COL21A1: variants seen among roughly 807,000 people sequenced by gnomAD.
COL21A1 encodes collagen alpha-1(XXI) chain.
Under a neutral mutation model 137.9 loss-of-function variants are expected in COL21A1, and 149 were observed. The observed-to-expected ratio is 1.08, with a 90% CI of 0.95 to 1.24. COL21A1 has a LOEUF of 1.24. COL21A1 is among the 50% of genes most tolerant of loss of function. The pLI is 0.00. For missense variants in COL21A1, 1,167 were observed against 1,158.4 expected (o/e 1.01, Z -0.11); for synonymous variants, 456 against 391.5 (o/e 1.16, Z -1.95).
chr6:56,130,349 A>C (rs1203282609), intron 12 of COL21A1, among the ~76,000 whole-genome samples: 1 of 151,452 alleles, frequency 6.6e-6, no homozygotes, highest in Non-Finnish European at 1.5e-5. Context: ...AGAGGACTGG[A>C]GTTAAGAAAA....
intron 1 of COL21A1, among the ~76,000 whole-genome samples, chr6:56,257,693 G>A (rs1030005708): frequency 1.4e-4 from 21 of 151,864 alleles, no homozygotes; most frequent in African/African-American, 4.3e-4. Context: ...GTAAATAAGT[G>A]GATATCACCA....
At chr6:56,279,489 T>A (rs1028540720) in intron 1 of COL21A1, among the ~76,000 whole-genome samples, 28 of 152,272 alleles carry the variant, frequency 1.8e-4, no homozygotes, top group Admixed American at 9.2e-4. Flanking sequence ...GGCCAGAATG[T>A]CTTTCTCTTG....
intron 1 of COL21A1, among the ~76,000 whole-genome samples, chr6:56,233,941 A>G (rs1781743399): frequency 6.6e-6 from 1 of 151,824 alleles, no homozygotes; most frequent in Non-Finnish European, 1.5e-5. Context: ...TAATAGGAAA[A>G]TATGTTTTAG....
At chr6:56,193,401 TA>T (rs1328466823) in intron 1 of COL21A1, among the ~76,000 whole-genome samples, 3 of 152,180 alleles carry the variant, frequency 2.0e-5, no homozygotes, top group Non-Finnish European at 2.9e-5. Context: ...TGAATAAATT[TA>T]AAACACATTG....
At chr6:56,214,487 A>G (rs1212924134) in intron 1 of COL21A1, among the ~76,000 whole-genome samples, 2 of 152,112 alleles carry the variant, frequency 1.3e-5, no homozygotes, top group Admixed American at 6.6e-5. Flanking sequence ...AATAAATAGA[A>G]TCTAGAGTAT....
intron 7 of COL21A1, among the ~76,000 whole-genome samples, chr6:56,166,334 T>G (rs1176366621): frequency 4.6e-5 from 7 of 152,136 alleles, no homozygotes; most frequent in African/African-American, 1.7e-4. Context: ...AGCACTGGAA[T>G]AGTCATAGTC....
At chr6:56,199,283 T>G (rs187080290) in intron 1 of COL21A1, among the ~76,000 whole-genome samples, 1 of 149,732 alleles carries the variant, frequency 6.7e-6, no homozygotes, top group African/African-American at 2.5e-5. Flanking sequence ...TTCTCAAATA[T>G]GGAATTCTGT....
intron 1 of COL21A1, among the ~76,000 whole-genome samples, chr6:56,233,474 A>G (rs1018501033): frequency 2.0e-5 from 3 of 151,876 alleles, no homozygotes; most frequent in Non-Finnish European, 4.4e-5. Context: ...ATCAATTAGT[A>G]TCTTAGAAAA....
chr6:56,075,892 TA>T (rs1285479753), intron 18 of COL21A1, among the ~76,000 whole-genome samples: 5 of 151,074 alleles, frequency 3.3e-5, no homozygotes, highest in African/African-American at 1.2e-4. Context: ...TAAAGAAAAA[TA>T]GACTAAAAAA....
intron 1 of COL21A1, among the ~76,000 whole-genome samples, chr6:56,315,147 C>T (rs1418530054): frequency 6.6e-6 from 1 of 152,188 alleles, no homozygotes. Flanking sequence ...ATCCAGATGT[C>T]TGATTGTAAA....
chr6:56,343,674 C>T (rs559385262), intron 1 of COL21A1, among the ~76,000 whole-genome samples: 1 of 152,264 alleles, frequency 6.6e-6, no homozygotes, highest in East Asian at 1.9e-4. Flanking sequence ...GGCACAGTGG[C>T]TTATGTCTGT....
chr6:56,123,446 G>A lies in COL21A1; in HGVS notation c.1758+616C>T, dbSNP rs561328391. Among the ~76,000 whole-genome samples the A allele has an allele frequency of 1.4e-4, 22 of 152,146 alleles. No individual in the cohort carries two copies. In the South Asian group the frequency reaches 4.4e-3, roughly 30 times the overall value. On this transcript the variant is annotated intron_variant, in intron 16 of 29. Transcript: ENST00000244728. ...TGAACTGAATTTCTGAGCAACTTTG[G>A]GATTCAAAGAACTGACCGTTAGAAA... is the stretch of plus-strand genomic sequence containing the variant.
rs2152237363 is a variant in COL21A1, at chr6:56,141,926, A to G, written c.1488+4T>C. The G allele has an allele frequency of 1.9e-6, 3 of 1,554,996 alleles. No individual in the cohort carries two copies. The highest frequency in any genetic ancestry group is 4.9e-5 in the East Asian group (2 of 40,960). On this transcript the variant is annotated splice_donor_region_variant and intron_variant, in intron 11 of 29. Coordinates refer to ENST00000244728, the MANE Select transcript of COL21A1 (RefSeq NM_030820.4). ...TATAAAATGTATATAAGTGGATCAC[A>G]TACTTGTATTCCTGGAGATCCTGGA...
At chr6:56,193,253 A>G (rs1053307676) in intron 1 of COL21A1, among the ~76,000 whole-genome samples, 3 of 152,170 alleles carry the variant, frequency 2.0e-5, no homozygotes, top group Non-Finnish European at 4.4e-5. Context: ...TGGCATTTGT[A>G]TACCTATGTA....
At chr6:56,385,990 C>A (rs2094017293) in intron 1 of COL21A1, among the ~76,000 whole-genome samples, 1 of 151,998 alleles carries the variant, frequency 6.6e-6, no homozygotes, top group Non-Finnish European at 1.5e-5. Flanking sequence ...ACCTCCACCT[C>A]CCGGGTTCAA....
At chr6:56,155,068 C>T (rs1775639253) in intron 10 of COL21A1, among the ~76,000 whole-genome samples, 1 of 152,142 alleles carries the variant, frequency 6.6e-6, no homozygotes, top group Non-Finnish European at 1.5e-5. Context: ...CTCCCCCCTC[C>T]CACCTTCCAC....
chr6:56,165,030 A>T (rs1776466516), intron 7 of COL21A1, among the ~76,000 whole-genome samples: 1 of 88,164 alleles, frequency 1.1e-5, no homozygotes, highest in Admixed American at 1.1e-4. Context: ...TACAGAAAGG[A>T]TATATTTTTT....
chr6:56,313,993 A>G (rs562445055), intron 1 of COL21A1, among the ~76,000 whole-genome samples: 1 of 152,264 alleles, frequency 6.6e-6, no homozygotes, highest in African/African-American at 2.4e-5. Flanking sequence ...AAGAAGGTAT[A>G]TATATAGAGA....
At chr6:56,211,049 T>C (rs1278933572) in intron 1 of COL21A1, among the ~76,000 whole-genome samples, 2 of 151,198 alleles carry the variant, frequency 1.3e-5, no homozygotes, top group African/African-American at 4.8e-5. Context: ...AGTCCTTAAG[T>C]ATTCAACTGG....
Sources: allele counts gnomAD v4.1 joint callset (sites outside exome capture counted in the v4.1 genomes callset), GRCh38; gene constraint gnomAD v4.1.1; transcripts MANE v1.5; gene names NCBI Gene and HGNC (gene_info 2026-07-23, HGNC 2026-07-21).